Variants in SMAD9 observed in about 807,000 individuals in gnomAD.
The protein encoded by SMAD9 is MAD homolog 9.
Under a neutral mutation model 46.1 loss-of-function variants are expected in SMAD9, and 36 were observed. The ratio of observed to expected loss-of-function variants is 0.78; its 90% confidence interval spans 0.60 to 1.03. The LOEUF (loss-of-function observed/expected upper bound fraction) is 1.03, where lower values mean the gene tolerates loss of function less well. SMAD9 is among the 50% of genes least tolerant of loss of function. The pLI is 0.00. For synonymous variants in SMAD9, 245 were observed against 237.1 expected, an observed-to-expected ratio of 1.03 and a Z score of -0.31; for missense variants, 572 against 599.8, an observed-to-expected ratio of 0.95 and a Z score of 0.48.
intron 1 of SMAD9, among the ~76,000 whole-genome samples, chr13:36,901,351 T>C (rs193179885): frequency 6.2e-4 from 94 of 152,182 alleles, no homozygotes; most frequent in African/African-American, 2.2e-3. Flanking sequence ...TTTTTCACTG[T>C]TTCTGTTTTT....
chr13:36,862,518 T>TG (rs1280107657), intron 5 of SMAD9, among the ~76,000 whole-genome samples: 8 of 152,002 alleles, frequency 5.3e-5, no homozygotes, highest in South Asian at 2.1e-4. Context: ...AAAAAGGAAA[T>TG]GAACCCTCAG....
At chr13:36,858,128 T>C (rs1266374502) in intron 5 of SMAD9, among the ~76,000 whole-genome samples, 1 of 152,196 alleles carries the variant, frequency 6.6e-6, no homozygotes, top group Non-Finnish European at 1.5e-5. Flanking sequence ...CCGGAGATAC[T>C]AAGATGAAGA....
chr13:36,864,190 T>C (rs1360588367), intron 5 of SMAD9, among the ~76,000 whole-genome samples: 2 of 152,264 alleles, frequency 1.3e-5, no homozygotes, highest in South Asian at 2.1e-4. Flanking sequence ...TCAAAGATTA[T>C]TTCCTTTGAG....
rs1173114577 is a variant in SMAD9 at position 36,846,551 on chromosome 13, G to T, written c.*2125C>A. ...TAGAGAGATCACGAAAGCTATGTTT[G>T]ATCTCTGGAGCAAAAACTGTGTTGA... On this transcript the variant is annotated 3_prime_UTR_variant, in exon 7 of 7. Coordinates refer to ENST00000379826, the MANE Select transcript of SMAD9 (RefSeq NM_001127217.3). 6.7e-6 allele frequency: 1 copy of T among 149,930 alleles called. No individual in the cohort carries two copies. The highest frequency in any genetic ancestry group is 1.5e-5 in the Non-Finnish European group (1 of 67,414). The allele number at this position is 149,930 out of a possible 1,614,324, so 9.3% of individuals were successfully genotyped here.
In SMAD9 at chr13:36,883,704, T is replaced by C. The variant is rs186992506; in HGVS notation, c.-186-3829A>G. Among the ~76,000 whole-genome samples the C allele has an allele frequency of 2.6e-4, 39 of 152,334 alleles. No individual in the cohort carries two copies. In the East Asian group the frequency reaches 5.4e-3, roughly 21 times the overall value. On this transcript the variant is annotated intron_variant, in intron 1 of 6. Transcript: ENST00000379826. Reference sequence around the variant, plus strand: ...AATCGGAAGTTGCAGTGAGTCATGATTGTGCCACTGCACTCCAGCCTGGGC... The same window carrying C: ...AATCGGAAGTTGCAGTGAGTCATGACTGTGCCACTGCACTCCAGCCTGGGC...
chr13:36,907,172 G>C (rs1191209955), intron 1 of SMAD9, among the ~76,000 whole-genome samples: 1 of 152,144 alleles, frequency 6.6e-6, no homozygotes, highest in Non-Finnish European at 1.5e-5. Flanking sequence ...TTACTTATAT[G>C]AAATATCTAG....
At chr13:36,909,748 G>C (rs2058645454) in intron 1 of SMAD9, among the ~76,000 whole-genome samples, 1 of 152,198 alleles carries the variant, frequency 6.6e-6, no homozygotes, top group Admixed American at 6.5e-5. Context: ...GGAAACAATA[G>C]TCACTACCTT....
chr13:36,879,486 G>GC lies in SMAD9; in HGVS notation c.203dup (p.Cys68TrpfsTer47), dbSNP rs760767413. On this transcript the variant is annotated frameshift_variant, in exon 2 of 7. Coordinates refer to ENST00000379826, the MANE Select transcript of SMAD9 (RefSeq NM_001127217.3). LOFTEE classifies it high-confidence loss of function. ...CGTCCAGGGAGCGGGGAATCGTGAC[G>GC]CATTTGCTGGGCTGCCCCGGGCAGC... 6 of 1,613,960 alleles carry GC rather than the reference G, an allele frequency of 3.7e-6. No individual in the cohort carries two copies. Among genetic ancestry groups the GC allele is most frequent in the Non-Finnish European group, 5.1e-6 (6 of 1,180,022 alleles).
rs1566326350 is a variant in SMAD9, at chr13:36,845,629, G to GA, written c.*3046_*3047insT. 6.7e-6 allele frequency: 1 copy of GA among 148,242 alleles called. No individual in the cohort carries two copies. Among genetic ancestry groups the GA allele is most frequent in the Non-Finnish European group, 1.5e-5 (1 of 66,820 alleles). The allele number at this position is 148,242 out of a possible 1,614,324, so 9.2% of individuals were successfully genotyped here. On this transcript the variant is annotated 3_prime_UTR_variant, in exon 7 of 7. Coordinates refer to ENST00000379826, the MANE Select transcript of SMAD9 (RefSeq NM_001127217.3). The stretch of plus-strand genomic sequence containing the variant: ...GTTATCCTGGAAAGAATGCTATTCA[G>GA]TTTTTTTTTTAATGTCTACATCAAG...
chr13:36,907,700 G>A (rs114539562), intron 1 of SMAD9, among the ~76,000 whole-genome samples: 2 of 151,970 alleles, frequency 1.3e-5, no homozygotes, highest in Admixed American at 6.5e-5. Flanking sequence ...ATGTTAAAAC[G>A]GTAAATTGCA....
In SMAD9 at chr13:36,867,361, A is replaced by G. The variant is rs1477061042; in HGVS notation, c.693T>C (p.Tyr231=). Residue 231 remains tyrosine (Y), a synonymous_variant, in exon 4 of 7, where the codon TAT becomes TAC. Coordinates refer to ENST00000379826, the MANE Select transcript of SMAD9 (RefSeq NM_001127217.3). ...GGGTCTCAGAGGCTTCTGTGGCATG[A>G]TAAGGCAGGGGTGGTGTGTCAACTA... ...QHSVDTPPLP[Y]HATEASETQS... 6.4e-6 allele frequency: 10 copies of G among 1,550,712 alleles called. No individual in the cohort carries two copies. In the South Asian group the frequency reaches 1.1e-4, roughly 17 times the overall value.
At chr13:36,874,295 C>A (rs1222173545) in intron 2 of SMAD9, among the ~76,000 whole-genome samples, 1 of 152,184 alleles carries the variant, frequency 6.6e-6, no homozygotes, top group Admixed American at 6.5e-5. Flanking sequence ...TCTTGAATTT[C>A]AAACACTGCG....
At chr13:36,915,846 CT>C (rs1274161892) in intron 1 of SMAD9, among the ~76,000 whole-genome samples, 3 of 149,104 alleles carry the variant, frequency 2.0e-5, no homozygotes, top group African/African-American at 7.4e-5. Context: ...CGTTTTGATT[CT>C]TGAAAAATGC....
intron 1 of SMAD9, among the ~76,000 whole-genome samples, chr13:36,894,915 G>C (rs1205414772): frequency 6.6e-6 from 1 of 152,122 alleles, no homozygotes; most frequent in African/African-American, 2.4e-5. Context: ...ACTTGGCCAT[G>C]ATTTATGACA....
At chr13:36,915,975 T>TTACACAATCCAGTTTACGTCTGTA (rs1174257393) in intron 1 of SMAD9, among the ~76,000 whole-genome samples, 2 of 152,208 alleles carry the variant, frequency 1.3e-5, no homozygotes, top group Non-Finnish European at 2.9e-5. Flanking sequence ...TACTGGATTG[T>TTACACAATCCAGTTTACGTCTGTA]TACACAGAAC....
rs2058221246 is a variant in SMAD9 at position 36,865,268 on chromosome 13, A to G, written c.1003+269T>C. On this transcript the variant is annotated intron_variant, in intron 5 of 6. Coordinates refer to ENST00000379826, the MANE Select transcript of SMAD9 (RefSeq NM_001127217.3). Reference sequence around the variant, plus strand: ...TTAATAATTTCATCCGGCTTTCTTCATATTTATCATCTTGCTTGTCTTCAC... The same window carrying G: ...TTAATAATTTCATCCGGCTTTCTTCGTATTTATCATCTTGCTTGTCTTCAC... Among the ~76,000 whole-genome samples, 3 of 152,218 alleles carry G rather than the reference A, an allele frequency of 2.0e-5. No individual in the cohort carries two copies. The South Asian group carries it at 6.2e-4, about 32-fold the overall frequency.
At chr13:36,858,422 C>T (rs1274952650) in intron 5 of SMAD9, among the ~76,000 whole-genome samples, 1 of 152,212 alleles carries the variant, frequency 6.6e-6, no homozygotes, top group Non-Finnish European at 1.5e-5. Context: ...GGAAGAGGCA[C>T]CTTTTCCTAA....
chr13:36,896,469 C>A (rs2058529787), intron 1 of SMAD9, among the ~76,000 whole-genome samples: 1 of 151,940 alleles, frequency 6.6e-6, no homozygotes, highest in African/African-American at 2.4e-5. Context: ...AAAAACAACT[C>A]TTCCTCTCCA....
chr13:36,868,795 C>T (rs893662978), intron 3 of SMAD9, among the ~76,000 whole-genome samples: 1 of 152,124 alleles, frequency 6.6e-6, no homozygotes, highest in African/African-American at 2.4e-5. Flanking sequence ...GTAGCACTTC[C>T]ACTCCTAGGT....
Sources: allele counts gnomAD v4.1 joint callset (sites outside exome capture counted in the v4.1 genomes callset), GRCh38; gene constraint gnomAD v4.1.1; transcripts MANE v1.5; gene names NCBI Gene and HGNC (gene_info 2026-07-23, HGNC 2026-07-21).